The following NOSTRIN variants were observed in gnomAD, a reference collection of about 807,000 sequenced individuals.
NOSTRIN encodes the protein BM247 homolog.
In NOSTRIN, 63 loss-of-function variants were observed where a neutral mutation model predicts 59.0. The ratio of observed to expected loss-of-function variants is 1.07; its 90% CI spans 0.87 to 1.32. The LOEUF (loss-of-function observed/expected upper bound fraction) is 1.32. Among genes scored for constraint, NOSTRIN ranks in the 40% most tolerant of loss-of-function variants. The pLI, the probability that NOSTRIN is intolerant of heterozygous loss-of-function variation, is 0.00. For missense variants in NOSTRIN, 512 were observed against 473.1 expected, an observed-to-expected ratio of 1.08 and a Z score of -0.76; for synonymous variants, 200 against 165.4, an observed-to-expected ratio of 1.21 and a Z score of -1.61.
chr2:168,841,986 G>T (rs1458757514), intron 7 of NOSTRIN, among the ~76,000 whole-genome samples: 1 of 152,198 alleles, frequency 6.6e-6, no homozygotes, highest in Non-Finnish European at 1.5e-5. Context: ...TCTCTGTGCA[G>T]CCTTCCTTCC....
chr2:168,837,853 C>G (rs1687830613), intron 7 of NOSTRIN, among the ~76,000 whole-genome samples: 1 of 152,186 alleles, frequency 6.6e-6, no homozygotes, highest in African/African-American at 2.4e-5. Context: ...CTTCTTTTCA[C>G]TTTAGTAACA....
chr2:168,854,359 A>T (rs1688951577), intron 10 of NOSTRIN, among the ~76,000 whole-genome samples: 1 of 152,042 alleles, frequency 6.6e-6, no homozygotes, highest in Non-Finnish European at 1.5e-5. Context: ...CGAAGCCTGC[A>T]TCCTCCCCTC....
chr2:168,859,308 C>T (rs1046150804), intron 12 of NOSTRIN: 16 of 612,734 alleles, frequency 2.6e-5, no homozygotes, highest in Non-Finnish European at 4.0e-5. Flanking sequence ...ATGAGACACA[C>T]TCAACAACTA....
At chr2:168,788,777 A>G in intron 2 of NOSTRIN, among the ~76,000 whole-genome samples, 1 of 152,224 alleles carries the variant, frequency 6.6e-6, no homozygotes, top group Non-Finnish European at 1.5e-5. Flanking sequence ...TTGGATTAAA[A>G]TTGTAAGTAT....
upstream of NOSTRIN, among the ~76,000 whole-genome samples, chr2:168,800,031 T>TACCTCCAG (rs1404891221): frequency 2.0e-5 from 3 of 152,202 alleles, no homozygotes; most frequent in Non-Finnish European, 4.4e-5. Context: ...TATTAAGCTG[T>TACCTCCAG]ACCTCCAGAG....
intron 2 of NOSTRIN, among the ~76,000 whole-genome samples, chr2:168,816,074 C>A (rs1043173911): frequency 2.0e-5 from 3 of 152,182 alleles, no homozygotes. Flanking sequence ...AGAAGTGCTG[C>A]CTTATAGCCG....
At chr2:168,789,013 C>T (rs1181397690) in intron 2 of NOSTRIN, among the ~76,000 whole-genome samples, 3 of 152,102 alleles carry the variant, frequency 2.0e-5, no homozygotes, top group South Asian at 2.1e-4. Flanking sequence ...GCACACCTAG[C>T]ACCCCAGGTC....
At chr2:168,848,993 A>C (rs985458997) in intron 8 of NOSTRIN, among the ~76,000 whole-genome samples, 12 of 152,234 alleles carry the variant, frequency 7.9e-5, no homozygotes, top group African/African-American at 2.9e-4. Flanking sequence ...AAATAATTTT[A>C]ATCACCATAT....
chr2:168,790,507 T>C (rs1415898746), intron 2 of NOSTRIN, among the ~76,000 whole-genome samples: 1 of 152,250 alleles, frequency 6.6e-6, no homozygotes, highest in African/African-American at 2.4e-5. Context: ...GCATCACTTC[T>C]GTGATTTTCC....
Position 168,865,056 on chromosome 2 carries a change from C to T in NOSTRIN, c.*86C>T, listed in dbSNP as rs749923661. The stretch of plus-strand genomic sequence containing the variant: ...TAAGAATAAAGTGCTCTTACCTTTA[C>T]ATGTTTTTCTTTTGAAATGGATGGA... On this transcript the variant is annotated 3_prime_UTR_variant, in exon 16 of 16. Coordinates refer to ENST00000317647, the MANE Select transcript of NOSTRIN (RefSeq NM_001039724.4). The T allele has an allele frequency of 1.2e-5, 17 of 1,443,494 alleles. No individual in the cohort carries two copies. In the African/African-American group the frequency reaches 2.3e-4, roughly 19 times the overall value. 89.4% of individuals were successfully genotyped at this position (1,443,494 alleles called of 1,614,324 possible). A position where few individuals can be genotyped will look rare whatever the true frequency, so the allele number is the denominator to read the frequency against.
chr2:168,806,257 A>T (rs934237526), intron 1 of NOSTRIN, among the ~76,000 whole-genome samples: 1 of 152,112 alleles, frequency 6.6e-6, no homozygotes, highest in Non-Finnish European at 1.5e-5. Flanking sequence ...CACTGTGAGG[A>T]TCATCACTAA....
chr2:168,798,633 C>G (rs569794077), upstream of NOSTRIN, among the ~76,000 whole-genome samples: 3 of 152,148 alleles, frequency 2.0e-5, no homozygotes, highest in Non-Finnish European at 4.4e-5. Context: ...AGAGGTCAGA[C>G]AGTAAATCTA....
At chr2:168,859,098 G>A (rs897560329) in intron 12 of NOSTRIN, 2 of 154,532 alleles carry the variant, frequency 1.3e-5, no homozygotes, top group Non-Finnish European at 2.9e-5. Context: ...TTTCATTTGC[G>A]TCTATTGATG....
At chr2:168,860,667 T>C (rs954896226) in intron 13 of NOSTRIN, 128 bp from the exon 14 acceptor site, 1 of 568,986 alleles carries the variant, frequency 1.8e-6, no homozygotes, top group Non-Finnish European at 3.0e-6. Flanking sequence ...CAAGACTCTG[T>C]CTAAAAAAAA....
upstream of NOSTRIN, chr2:168,798,041 A>G (rs976525920): frequency 1.3e-5 from 2 of 152,208 alleles, no homozygotes; most frequent in African/African-American, 4.8e-5. Flanking sequence ...TGTACTTTAA[A>G]TCATCTCTAG....
chr2:168,803,402 G>T (rs531002302), intron 1 of NOSTRIN, among the ~76,000 whole-genome samples: 1 of 152,276 alleles, frequency 6.6e-6, no homozygotes, highest in South Asian at 2.1e-4. Flanking sequence ...AACACATGGG[G>T]CTGAAAAGCT....
chr2:168,802,822 T>A lies in NOSTRIN; in HGVS notation c.27+149T>A, dbSNP rs550873791. 1.6e-5 allele frequency: 11 copies of A among 707,748 alleles called. 1 individual carries two copies. The South Asian group carries it at 1.6e-4, about 10-fold the overall frequency. 43.8% of individuals were successfully genotyped at this position (707,748 alleles called of 1,614,324 possible). On this transcript the variant is annotated intron_variant, in intron 1 of 15. Coordinates refer to ENST00000317647, the MANE Select transcript of NOSTRIN (RefSeq NM_001039724.4). ...CTGTGGTGCAAAAGTTTGTGGTTTT[T>A]CTTTGGTTCAGTTTAAAAACAGAGC...
chr2:168,835,893 C>A (rs1387829182), intron 7 of NOSTRIN, among the ~76,000 whole-genome samples: 6 of 152,166 alleles, frequency 3.9e-5, no homozygotes, highest in Non-Finnish European at 5.9e-5. Flanking sequence ...TCTGCTTACA[C>A]CCCAATAGAT....
chr2:168,802,876 T>C (rs2105515187), intron 1 of NOSTRIN, among the ~76,000 whole-genome samples: 1 of 152,314 alleles, frequency 6.6e-6, no homozygotes, highest in South Asian at 2.1e-4. Flanking sequence ...GGGCAGGTAA[T>C]TGTCATCTTT....
Sources: allele counts gnomAD v4.1 joint callset (sites outside exome capture counted in the v4.1 genomes callset), GRCh38; gene constraint gnomAD v4.1.1; transcripts MANE v1.5; gene names NCBI Gene and HGNC (gene_info 2026-07-23, HGNC 2026-07-21).